SLC6A19: variants seen among roughly 807,000 people sequenced by gnomAD.
SLC6A19 encodes sodium-dependent neutral amino acid transporter B(0)AT1.
A neutral mutation model predicts 68.3 loss-of-function variants in SLC6A19; 67 were observed. The ratio of observed to expected loss-of-function variants is 0.98; its 90% CI spans 0.81 to 1.20. SLC6A19 has a LOEUF of 1.20. Ranked by LOEUF, SLC6A19 falls within the 50% of genes most tolerant of loss-of-function variation. SLC6A19 has a pLI of 0.00. For synonymous variants in SLC6A19, 392 were observed against 374.9 expected, an observed-to-expected ratio of 1.05 and a Z score of -0.53; for missense variants, 813 against 851.6, an observed-to-expected ratio of 0.95 and a Z score of 0.56.
In SLC6A19 at chr5:1,216,519, C is replaced by G. The variant is rs566677425; in HGVS notation, c.888-39C>G. On this transcript the variant is annotated intron_variant, in intron 6 of 11. Transcript: ENST00000304460. ...CCCTGGGCTGTGTCCTGACCTGGGA[C>G]CTCATCGCCAGCCGCCATGACACTG... The G allele has an allele frequency of 4.3e-6, 7 of 1,613,482 alleles. No homozygotes were observed. In the East Asian group the frequency reaches 1.6e-4, roughly 36 times the overall value.
Position 1,212,661 on chromosome 5 carries a change from C to A in SLC6A19, c.663+177C>A, listed in dbSNP as rs927861759. Among the ~76,000 whole-genome samples the A allele has an allele frequency of 6.6e-6, 1 of 152,122 alleles. No individual in the cohort carries two copies. Among genetic ancestry groups the A allele is most frequent in the Non-Finnish European group, 1.5e-5 (1 of 68,018 alleles). On this transcript the variant is annotated intron_variant, in intron 4 of 11. Coordinates refer to ENST00000304460, the MANE Select transcript of SLC6A19 (RefSeq NM_001003841.3). The surrounding 1 kb of genome is among the most constrained non-coding windows in gnomAD (Gnocchi z 5.1). ...GCTCACTGGCCTGGGCGGGAGGGGC[C>A]CTGCCTGCCCCAGGTTTCCTGAAAT...
In SLC6A19 at chr5:1,215,840, G is replaced by A. The variant is rs531235347; in HGVS notation, c.888-718G>A. Among the ~76,000 whole-genome samples the A allele has an allele frequency of 1.8e-4, 27 of 152,274 alleles. No individual in the cohort carries two copies. Among genetic ancestry groups the A allele is most frequent in the East Asian group, 5.8e-4 (3 of 5,176 alleles). ...TTTCCACGGTGGCTGCACCACTCACGTTCCCACCAGCGTGCAGGAAGCTCC... is the reference window on the plus strand; with the variant it reads ...TTTCCACGGTGGCTGCACCACTCACATTCCCACCAGCGTGCAGGAAGCTCC... On this transcript the variant is annotated intron_variant, in intron 6 of 11. Transcript: ENST00000304460. This position sits in a 1 kb window ranked among gnomAD's most constrained non-coding sequence, Gnocchi z 5.1.
chr5:1,211,184 C>T (rs1337416532), intron 3 of SLC6A19, among the ~76,000 whole-genome samples: 2 of 152,194 alleles, frequency 1.3e-5, no homozygotes, highest in African/African-American at 4.8e-5. Context: ...GCTGCTCTGT[C>T]GGGGCCGGCA....
At chr5:1,207,054 T>C (rs1381165625) in intron 1 of SLC6A19, among the ~76,000 whole-genome samples, 2 of 152,202 alleles carry the variant, frequency 1.3e-5, no homozygotes, top group African/African-American at 2.4e-5. Context: ...CGCGTCCCCA[T>C]AGCAGGGTGC....
intron 8 of SLC6A19, among the ~76,000 whole-genome samples, chr5:1,217,236 A>G (rs1285358251): frequency 6.6e-6 from 1 of 152,206 alleles, no homozygotes; most frequent in African/African-American, 2.4e-5. Flanking sequence ...CTCCTATCAC[A>G]CACACAAAAC....
Position 1,216,647 on chromosome 5 carries a change from G to C in SLC6A19, c.977G>C (p.Gly326Ala). 1 of 1,614,038 alleles carries C rather than the reference G, an allele frequency of 6.2e-7. No homozygotes were observed. The highest frequency in any genetic ancestry group is 8.5e-7 in the Non-Finnish European group (1 of 1,180,048). The change falls in exon 7 of 12, where the codon GGG (glycine) becomes GCG (alanine). Residue 326 changes from glycine (G) to alanine (A), a missense_variant. By Grantham distance (60) the Gly-to-Ala change is moderately conservative. Transcript: ENST00000304460. ...GCCATCGTGGTCTACTCCGTCATTG[G>C]GTTCCGCGCCACACAGCGCTACGAC... is the stretch of plus-strand genomic sequence containing the variant. ...YVAIVVYSVIGFRATQRYDDC... is the reference protein window; with the variant it reads ...YVAIVVYSVIAFRATQRYDDC...
In SLC6A19 at chr5:1,212,351, A is replaced by G. The variant is rs1217382690; in HGVS notation, c.530A>G (p.Tyr177Cys). 1 of 1,613,604 alleles carries G rather than the reference A, an allele frequency of 6.2e-7. No individual in the cohort carries two copies. The highest frequency in any genetic ancestry group is 1.1e-5 in the South Asian group (1 of 91,086). ...ARSSPVDYFWYRETLNISTSI... is the reference protein window; with the variant it reads ...ARSSPVDYFWCRETLNISTSI... Reference sequence around the variant, plus strand: ...AGCTCCCCTGTGGACTACTTCTGGTACCGAGAGACGCTCAACATCTCCACG... The same window carrying G: ...AGCTCCCCTGTGGACTACTTCTGGTGCCGAGAGACGCTCAACATCTCCACG... Residue 177 changes from tyrosine to cysteine, a missense_variant, in exon 4 of 12, where the codon TAC (tyrosine) becomes TGC (cysteine). By Grantham distance (194) the Tyr-to-Cys change is radical. Coordinates refer to ENST00000304460, the MANE Select transcript of SLC6A19 (RefSeq NM_001003841.3). This position sits in a 1 kb window ranked among gnomAD's most constrained non-coding sequence, Gnocchi z 5.1.
chr5:1,214,389 C>T lies in SLC6A19; in HGVS notation c.887+324C>T, dbSNP rs1293440355. Among the ~76,000 whole-genome samples, 2 of 152,258 alleles carry T rather than the reference C, an allele frequency of 1.3e-5. No individual in the cohort carries two copies. The highest frequency in any genetic ancestry group is 3.9e-4 in the East Asian group (2 of 5,168). ...CACACCCACATCGCTCCCAGCCCAC[C>T]CCTGGGCATCCCAGGCCCCCAGACA... On this transcript the variant is annotated intron_variant, in intron 6 of 11. Coordinates refer to ENST00000304460, the MANE Select transcript of SLC6A19 (RefSeq NM_001003841.3). This position sits in a 1 kb window ranked among gnomAD's most constrained non-coding sequence, Gnocchi z 7.4.
At chr5:1,207,387 G>T (rs1579509336) in intron 1 of SLC6A19, among the ~76,000 whole-genome samples, 1 of 147,076 alleles carries the variant, frequency 6.8e-6, no homozygotes, top group Non-Finnish European at 1.5e-5. Context: ...CAGCCCGCTT[G>T]GCCGGGCGAG....
chr5:1,213,713 C>A, intron 5 of SLC6A19, 140 bp downstream of exon 5: 1 of 1,065,498 alleles, frequency 9.4e-7, no homozygotes, highest in Non-Finnish European at 1.4e-6. Context: ...AGGAGGTCCA[C>A]GGGGCCAGCG....
In SLC6A19 at chr5:1,218,902, G is replaced by C. The variant is rs759490220; in HGVS notation, c.1174-1G>C. Reference sequence around the variant, plus strand: ...CTGGTGACTGTGTGTCATCCGTGCAGGCCGTGGAGGGCACAGGCCTGGCCT... The same window carrying C: ...CTGGTGACTGTGTGTCATCCGTGCACGCCGTGGAGGGCACAGGCCTGGCCT... On this transcript the variant is annotated splice_acceptor_variant, in intron 8 of 11. Coordinates refer to ENST00000304460, the MANE Select transcript of SLC6A19 (RefSeq NM_001003841.3). LOFTEE classifies it high-confidence loss of function. The C allele has an allele frequency of 1.9e-6, 3 of 1,613,252 alleles. No individual in the cohort carries two copies. In the East Asian group the frequency reaches 6.7e-5, roughly 36 times the overall value.
chr5:1,205,214 G>A (rs1282789787), intron 1 of SLC6A19, among the ~76,000 whole-genome samples: 3 of 152,230 alleles, frequency 2.0e-5, no homozygotes, highest in South Asian at 2.1e-4. Flanking sequence ...TTCCCTGGGC[G>A]CTGGCCGCCC....
rs1746302972 is a variant in SLC6A19, at chr5:1,219,444, C to T, written c.1379-61C>T. 5 of 1,598,860 alleles carry T rather than the reference C, an allele frequency of 3.1e-6. No individual in the cohort carries two copies. The East Asian group carries it at 1.1e-4, about 36-fold the overall frequency. Reference sequence around the variant, plus strand: ...GCAGCCCCCAGTTGTGTGAACAGCTCTGTCCCTGGCCGTGCGTGCAGCCCC... The same window carrying T: ...GCAGCCCCCAGTTGTGTGAACAGCTTTGTCCCTGGCCGTGCGTGCAGCCCC... On this transcript the variant is annotated intron_variant, in intron 9 of 11. Transcript: ENST00000304460.
rs1206706424 is a variant in SLC6A19, at chr5:1,223,649, G to A, written c.*1745G>A. 5 of 151,570 alleles carry A rather than the reference G, an allele frequency of 3.3e-5. No homozygotes were observed. The highest frequency in any genetic ancestry group is 7.3e-5 in the African/African-American group (3 of 41,322). 9.4% of individuals were successfully genotyped at this position (151,570 alleles called of 1,614,324 possible). ...GAGTTCCTACGGACAGGTCACCTCC[G>A]CTTTGCATGGAAGAATCTGGATGCT... On this transcript the variant is annotated 3_prime_UTR_variant, in exon 12 of 12. Transcript: ENST00000304460.
At chr5:1,203,155 A>G (rs1232495011) in intron 1 of SLC6A19, among the ~76,000 whole-genome samples, 2 of 152,146 alleles carry the variant, frequency 1.3e-5, no homozygotes, top group African/African-American at 4.8e-5. Flanking sequence ...ATGGAGGGGC[A>G]GACACATGCC....
At chr5:1,211,948 A>T (rs1746047216) in intron 3 of SLC6A19, among the ~76,000 whole-genome samples, 2 of 134,996 alleles carry the variant, frequency 1.5e-5, no homozygotes, top group Non-Finnish European at 3.1e-5. Context: ...TGTGCATGTG[A>T]GCATGTGTGC....
At chr5:1,218,290 G>A (rs1485518159) in intron 8 of SLC6A19, among the ~76,000 whole-genome samples, 1 of 152,198 alleles carries the variant, frequency 6.6e-6, no homozygotes, top group African/African-American at 2.4e-5. Flanking sequence ...GTTCCCTGCA[G>A]GGAGCCCCAC....
At position 1,216,913 on chromosome 5, in the gene SLC6A19, C is replaced by T. The variant is rs763068905; in HGVS notation, c.1141C>T (p.Gln381Ter). The T allele has an allele frequency of 5.6e-6, 9 of 1,613,424 alleles. No individual in the cohort carries two copies. The South Asian group carries it at 9.9e-5, about 18-fold the overall frequency. Residue 381 changes from glutamine to a stop codon, truncating the protein, a stop_gained, in exon 8 of 12, where the codon CAG becomes TAG. Coordinates refer to ENST00000304460, the MANE Select transcript of SLC6A19 (RefSeq NM_001003841.3). LOFTEE classifies it high-confidence loss of function. ...DPAAYAQLVFQTCDINAFLSE... is the reference protein window; with the variant it reads ...DPAAYAQLVF ...CGCGGCCTACGCGCAGCTGGTGTTC[C>T]AGACCTGCGACATCAACGCCTTCCT... is the stretch of plus-strand genomic sequence containing the variant.
chr5:1,212,163 T>G lies in SLC6A19; in HGVS notation c.482-140T>G, dbSNP rs1746057245. 1 of 961,744 alleles carries G rather than the reference T, an allele frequency of 1.0e-6. No homozygotes were observed. Among genetic ancestry groups the G allele is most frequent in the Non-Finnish European group, 1.6e-6 (1 of 616,378 alleles). The allele number at this position is 961,744 out of a possible 1,614,324, so 59.6% of individuals were successfully genotyped here. A position where few individuals can be genotyped will look rare whatever the true frequency, so the allele number is the denominator to read the frequency against. ...GTGCGTGCACGTGAGCATGTGTGCC[T>G]GTGTTCATGTGCACGTGTGGGCGTG... On this transcript the variant is annotated intron_variant, in intron 3 of 11. Coordinates refer to ENST00000304460, the MANE Select transcript of SLC6A19 (RefSeq NM_001003841.3). This position sits in a 1 kb window ranked among gnomAD's most constrained non-coding sequence, Gnocchi z 5.1.
Sources: allele counts gnomAD v4.1 joint callset (sites outside exome capture counted in the v4.1 genomes callset), GRCh38; gene constraint gnomAD v4.1.1; non-coding constraint Gnocchi (gnomAD v3.1); transcripts MANE v1.5; gene names NCBI Gene and HGNC (gene_info 2026-07-23, HGNC 2026-07-21).